GALNT13: variants seen among roughly 807,000 people sequenced by gnomAD.
GALNT13 encodes the protein polypeptide N-acetylgalactosaminyltransferase 13.
A neutral mutation model predicts 64.2 loss-of-function variants in GALNT13; 28 were observed. That is an observed-to-expected ratio of 0.44 (90% CI 0.32 to 0.60). The LOEUF (loss-of-function observed/expected upper bound fraction) is 0.60. Among genes scored for constraint, GALNT13 ranks in the 20% least tolerant of loss-of-function variants. The pLI is 0.05. For missense variants in GALNT13, 577 were observed against 669.8 expected (o/e 0.86, Z 1.53); for synonymous variants, 214 against 224.6 (o/e 0.95, Z 0.42).
At position 154,148,339 on chromosome 2, in the gene GALNT13, G is replaced by A. The variant is rs1259513563; in HGVS notation, c.311+7834G>A. ...CCAGTCTATCATTGTTGGACATTTG[G>A]GTTGGTTCCAAGTCTTTGCTATTGT... On this transcript the variant is annotated intron_variant, in intron 4 of 12. Coordinates refer to ENST00000392825, the MANE Select transcript of GALNT13 (RefSeq NM_052917.4). Among the ~76,000 whole-genome samples, 17 of 152,094 alleles carry A rather than the reference G, an allele frequency of 1.1e-4. No homozygotes were observed. The East Asian group carries it at 3.1e-3, about 28-fold the overall frequency.
intron 1 of GALNT13, 64 bp downstream of exon 1, chr2:153,872,367 G>C (rs1352944116): frequency 6.6e-6 from 1 of 152,126 alleles, no homozygotes; most frequent in Non-Finnish European, 1.5e-5. Context: ...CTCCCTCTGG[G>C]CTGCCAGAGT....
At chr2:153,078,673 C>A in the GALNT13 span, among the ~76,000 whole-genome samples, 1 of 152,000 alleles carries the variant, frequency 6.6e-6, no homozygotes, top group African/African-American at 2.4e-5. Context: ...TTCAGTAAAT[C>A]ATGAAGAAGG....
chr2:153,989,093 A>G (rs1001170281), intron 3 of GALNT13, among the ~76,000 whole-genome samples: 2 of 151,974 alleles, frequency 1.3e-5, no homozygotes, highest in Non-Finnish European at 1.5e-5. Flanking sequence ...GAATGCCTGT[A>G]TCCTCTCCTA....
At chr2:153,876,943 G>A (rs966227474) in intron 1 of GALNT13, among the ~76,000 whole-genome samples, 2 of 152,052 alleles carry the variant, frequency 1.3e-5, no homozygotes, top group Admixed American at 1.3e-4. Context: ...CTCATGAACT[G>A]TCAGGCTCTC....
chr2:154,151,099 G>A (rs1337226249), intron 4 of GALNT13, among the ~76,000 whole-genome samples: 10 of 152,066 alleles, frequency 6.6e-5, no homozygotes, highest in African/African-American at 1.4e-4. Flanking sequence ...ACAGTGCTTC[G>A]AATGCGTCCC....
At chr2:153,606,757 G>A in the GALNT13 span, among the ~76,000 whole-genome samples, 28 of 151,900 alleles carry the variant, frequency 1.8e-4, no homozygotes, top group Non-Finnish European at 2.8e-4. Context: ...TTCTAAAGGT[G>A]GCATTCTGGC....
intron 9 of GALNT13, among the ~76,000 whole-genome samples, chr2:154,367,750 T>G (rs1236259564): frequency 6.6e-6 from 1 of 152,190 alleles, no homozygotes; most frequent in Non-Finnish European, 1.5e-5. Context: ...CCTTGCCAAT[T>G]TCTCTATTGA....
intron 3 of GALNT13, among the ~76,000 whole-genome samples, chr2:154,029,706 A>G (rs1698219664): frequency 6.6e-6 from 1 of 152,210 alleles, no homozygotes. Flanking sequence ...GCCAAAATAA[A>G]AAGAATTTTA....
intron 4 of GALNT13, among the ~76,000 whole-genome samples, chr2:154,149,009 A>G (rs181978370): frequency 0.014 from 2,155 of 152,238 alleles, 51 homozygotes; most frequent in African/African-American, 0.048. Context: ...GCCCATGCCT[A>G]TGTGCTGAAT....
At chr2:153,421,183 G>T in the GALNT13 span, 1 of 196,886 alleles carries the variant, frequency 5.1e-6, no homozygotes, top group South Asian at 9.7e-5. Context: ...CAGCAGAGAT[G>T]ACAGGGCATA....
the GALNT13 span, among the ~76,000 whole-genome samples, chr2:153,780,239 A>G: frequency 2.0e-4 from 3 of 14,920 alleles, no homozygotes; most frequent in African/African-American, 3.8e-4. Flanking sequence ...ATATATATAT[A>G]TATATATATA....
At chr2:154,422,758 C>T (rs1487060478) in intron 11 of GALNT13, among the ~76,000 whole-genome samples, 3 of 152,108 alleles carry the variant, frequency 2.0e-5, no homozygotes, top group African/African-American at 7.2e-5. Flanking sequence ...GATAGCTCAC[C>T]ATAGCCAGTG....
the GALNT13 span, among the ~76,000 whole-genome samples, chr2:153,444,544 T>A: frequency 6.6e-6 from 1 of 152,220 alleles, no homozygotes; most frequent in Admixed American, 6.5e-5. Flanking sequence ...AATACTATTT[T>A]ATATGCATAA....
chr2:154,400,821 G>A (rs888104935), intron 10 of GALNT13, among the ~76,000 whole-genome samples: 16 of 152,046 alleles, frequency 1.1e-4, no homozygotes, highest in African/African-American at 3.9e-4. Flanking sequence ...AGCTTATGTA[G>A]ATTTAACATG....
At chr2:153,360,213 C>T in the GALNT13 span, among the ~76,000 whole-genome samples, 3 of 152,318 alleles carry the variant, frequency 2.0e-5, no homozygotes, top group African/African-American at 7.2e-5. Flanking sequence ...AACCCCCAGC[C>T]AAGGGAGGTG....
chr2:153,884,813 GTGTGTGTATATATA>G (rs1687039755), intron 1 of GALNT13, among the ~76,000 whole-genome samples: 1 of 116,534 alleles, frequency 8.6e-6, no homozygotes, highest in African/African-American at 3.7e-5. Context: ...ATATGTGTGT[GTGTGTGTATATATA>G]TGTGTGTGTG....
Position 153,944,605 on chromosome 2 carries a change from C to A in GALNT13, c.108C>A (p.Asp36Glu). 5.0e-6 allele frequency: 8 copies of A among 1,613,294 alleles called. No individual in the cohort carries two copies. The highest frequency in any genetic ancestry group is 6.8e-6 in the Non-Finnish European group (8 of 1,179,486). The stretch of plus-strand genomic sequence containing the variant: ...TCAGTGAATGTAACAAATGTGATGA[C>A]AAGAAGGAGAGATCTCTGCTGCCTG... ...LYFSECNKCD[D>E]KKERSLLPAL... The change falls in exon 3 of 13, where the codon GAC becomes GAA. Residue 36 changes from aspartate (D) to glutamate (E), a missense_variant. Asp to Glu is a conservative substitution (Grantham distance 45). Coordinates refer to ENST00000392825, the MANE Select transcript of GALNT13 (RefSeq NM_052917.4).
chr2:153,649,954 G>A, the GALNT13 span, among the ~76,000 whole-genome samples: 10 of 152,164 alleles, frequency 6.6e-5, no homozygotes, highest in Non-Finnish European at 1.2e-4. Flanking sequence ...GATTTGGGGT[G>A]CAGAGTCTGT....
intron 3 of GALNT13, among the ~76,000 whole-genome samples, chr2:154,106,870 T>C (rs1019201743): frequency 2.6e-5 from 4 of 152,164 alleles, no homozygotes; most frequent in Non-Finnish European, 4.4e-5. Context: ...CTTTCAAACC[T>C]CATGTTGAAA....
Sources: gnomAD v4.1 joint callset for allele counts (sites outside exome capture counted in the v4.1 genomes callset) on GRCh38, gnomAD v4.1.1 for gene constraint, MANE v1.5 for transcripts, NCBI Gene and HGNC (gene_info 2026-07-23, HGNC 2026-07-21) for gene names.